Variants in MED12L observed in about 807,000 individuals in gnomAD.
MED12L encodes the protein mediator complex subunit 12L.
In MED12L, 60 loss-of-function variants were observed where a neutral mutation model predicts 281.3. The ratio of observed to expected loss-of-function variants is 0.21; its 90% CI spans 0.17 to 0.26. MED12L has a LOEUF of 0.26. MED12L is among the 10% of genes least tolerant of loss of function. MED12L has a pLI of 1.00. For missense variants in MED12L, 2,146 were observed against 2,680.9 expected, an observed-to-expected ratio of 0.80 and a Z score of 4.41; for synonymous variants, 974 against 987.2, an observed-to-expected ratio of 0.99 and a Z score of 0.25.
At position 151,434,230 on chromosome 3, in the gene MED12L, T is replaced by A. The variant is rs986184180; in HGVS notation, c.*1426T>A. ...GCAGACCATGTAAATCTACTTTTTT[T>A]AAAATGTAGCTAGTACAACTTTAGT... On this transcript the variant is annotated 3_prime_UTR_variant, in exon 45 of 45. Transcript: ENST00000687756. 4.6e-5 allele frequency: 7 copies of A among 152,344 alleles called. No homozygotes were observed. The highest frequency in any genetic ancestry group is 2.1e-4 in the South Asian group (1 of 4,828). The allele number at this position is 152,344 out of a possible 1,614,324, so 9.4% of individuals were successfully genotyped here.
intron 42 of MED12L, among the ~76,000 whole-genome samples, chr3:151,415,790 A>G (rs907318749): frequency 7.9e-5 from 12 of 152,182 alleles, no homozygotes; most frequent in African/African-American, 2.9e-4. Flanking sequence ...CAACCCTGTT[A>G]CTGACATGAT....
In MED12L at chr3:151,435,014, T is replaced by G. The variant is rs1342450294; in HGVS notation, c.*2210T>G. 6.6e-6 allele frequency: 1 copy of G among 151,970 alleles called. No individual in the cohort carries two copies. Among genetic ancestry groups the G allele is most frequent in the African/African-American group, 2.4e-5 (1 of 41,380 alleles). The allele number at this position is 151,970 out of a possible 1,614,324, so 9.4% of individuals were successfully genotyped here. ...TTATAAAGAAAATAACTAGAATTAC[T>G]TTAGTCTTCAGATTTTCTCCCTGTT... is the stretch of plus-strand genomic sequence containing the variant. On this transcript the variant is annotated 3_prime_UTR_variant, in exon 45 of 45. Coordinates refer to ENST00000687756, the MANE Select transcript of MED12L (RefSeq NM_001393769.1).
chr3:151,413,062 T>C, intron 41 of MED12L, 77 bp from the exon 42 acceptor site: 1 of 1,494,246 alleles, frequency 6.7e-7, no homozygotes, highest in Non-Finnish European at 9.1e-7. Flanking sequence ...GGTTGGTGTA[T>C]GTCATGTGCT....
chr3:151,249,066 G>T (rs1401867636), intron 16 of MED12L: 1 of 152,172 alleles, frequency 6.6e-6, no homozygotes. Context: ...TGAATGTCAG[G>T]TACTACAGAT....
At chr3:151,390,207 A>C (rs1213803954) in intron 38 of MED12L, 72 bp downstream of exon 38, 1 of 1,474,352 alleles carries the variant, frequency 6.8e-7, no homozygotes, top group East Asian at 2.3e-5. Flanking sequence ...TTTAACCTGA[A>C]ACCTCCACAA....
At chr3:151,355,361 G>A in intron 18 of MED12L, 122 bp downstream of exon 18, 1 of 634,546 alleles carries the variant, frequency 1.6e-6, no homozygotes, top group East Asian at 2.8e-5. Flanking sequence ...AACATACTTG[G>A]AAGTATCTCA....
Position 151,418,843 on chromosome 3 carries a change from AT to A in MED12L, c.6408+2430del, listed in dbSNP as rs947975398. Among the ~76,000 whole-genome samples the A allele has an allele frequency of 6.3e-4, 96 of 151,812 alleles. 1 individual carries two copies. In the Middle Eastern group the frequency reaches 0.014, roughly 22 times the overall value. ...TTCTTACTATGGATGTGGAAAAATT[AT>A]TTTTTTTTAATTTTTAATTCTTTTA... On this transcript the variant is annotated intron_variant, in intron 43 of 44. Transcript: ENST00000687756.
chr3:151,329,587 C>T (rs1750120671), intron 16 of MED12L: 5 of 1,266,334 alleles, frequency 3.9e-6, no homozygotes, highest in South Asian at 1.3e-5. Flanking sequence ...TAGTGGATTT[C>T]CTTCCTTATT....
rs549245598 is a variant in MED12L at position 151,284,695 on chromosome 3, G to A, written c.2251-65364G>A. On this transcript the variant is annotated intron_variant, in intron 16 of 44. Transcript: ENST00000687756. Reference sequence around the variant, plus strand: ...GTGATCTCAGCTCACCACAACCTCCGCCTCCCGGGTTCTGGTGATTCTTCT... The same window carrying A: ...GTGATCTCAGCTCACCACAACCTCCACCTCCCGGGTTCTGGTGATTCTTCT... Among the ~76,000 whole-genome samples the A allele has an allele frequency of 5.3e-5, 8 of 152,246 alleles. No homozygotes were observed. The East Asian group carries it at 1.2e-3, about 22-fold the overall frequency.
chr3:151,428,579 A>T (rs1055192654), intron 43 of MED12L, among the ~76,000 whole-genome samples: 1 of 152,198 alleles, frequency 6.6e-6, no homozygotes, highest in Non-Finnish European at 1.5e-5. Flanking sequence ...GATATTACAG[A>T]TACATCAGTA....
chr3:151,155,691 G>A (rs1163638596), intron 5 of MED12L, among the ~76,000 whole-genome samples: 1 of 152,198 alleles, frequency 6.6e-6, no homozygotes, highest in Non-Finnish European at 1.5e-5. Context: ...TCCATGTGGA[G>A]CCTGAAAAAT....
chr3:151,156,096 G>C, intron 5 of MED12L, 65 bp from the exon 6 acceptor site: 1 of 1,363,542 alleles, frequency 7.3e-7, no homozygotes, highest in Non-Finnish European at 1.0e-6. Flanking sequence ...GAATGGGGAA[G>C]AAAACATGTA....
intron 16 of MED12L, among the ~76,000 whole-genome samples, chr3:151,325,581 ATC>A (rs1260825130): frequency 2.0e-5 from 3 of 152,104 alleles, no homozygotes; most frequent in Admixed American, 6.6e-5. Context: ...TGATTTTAAG[ATC>A]TCTCTACTAT....
At chr3:151,155,787 T>C (rs988542451) in intron 5 of MED12L, among the ~76,000 whole-genome samples, 6 of 152,238 alleles carry the variant, frequency 3.9e-5, no homozygotes, top group African/African-American at 1.2e-4. Flanking sequence ...TTCACGATTC[T>C]GTCCTGCTTT....
intron 16 of MED12L, among the ~76,000 whole-genome samples, chr3:151,281,843 C>G (rs1051912106): frequency 6.6e-6 from 1 of 152,156 alleles, no homozygotes; most frequent in Non-Finnish European, 1.5e-5. Context: ...ATAAACATCC[C>G]TTGTGTATTC....
chr3:151,114,516 C>T (rs866064911), intron 2 of MED12L, among the ~76,000 whole-genome samples: 2 of 152,246 alleles, frequency 1.3e-5, no homozygotes, highest in Middle Eastern at 3.4e-3. Flanking sequence ...TGATTTTGAT[C>T]AATTGCTGTT....
intron 5 of MED12L, among the ~76,000 whole-genome samples, chr3:151,132,722 T>A (rs956353078): frequency 6.6e-6 from 1 of 152,258 alleles, no homozygotes; most frequent in African/African-American, 2.4e-5. Flanking sequence ...GGATTCTGTT[T>A]ATACTATATG....
intron 11 of MED12L, among the ~76,000 whole-genome samples, chr3:151,172,544 G>C (rs1721566717): frequency 6.6e-6 from 1 of 152,198 alleles, no homozygotes; most frequent in Non-Finnish European, 1.5e-5. Flanking sequence ...TACATTTGCT[G>C]GTTTTCATGA....
intron 11 of MED12L, among the ~76,000 whole-genome samples, chr3:151,169,418 GC>G (rs1456273205): frequency 6.6e-6 from 1 of 152,130 alleles, no homozygotes; most frequent in Non-Finnish European, 1.5e-5. Flanking sequence ...ACCGTGCCCA[GC>G]CCTGTTTTCT....
Sources: gnomAD v4.1 joint callset for allele counts (sites outside exome capture counted in the v4.1 genomes callset) on GRCh38, gnomAD v4.1.1 for gene constraint, MANE v1.5 for transcripts, NCBI Gene and HGNC (gene_info 2026-07-23, HGNC 2026-07-21) for gene names.